The following SLC38A1 variants were observed in gnomAD, a reference collection of about 807,000 sequenced individuals.
The protein encoded by SLC38A1 is sodium-coupled neutral amino acid symporter 1.
In SLC38A1, 18 loss-of-function variants were observed where a neutral mutation model predicts 60.3. The ratio of observed to expected loss-of-function variants is 0.30; its 90% CI spans 0.21 to 0.44. The LOEUF is 0.44. Among genes scored for constraint, SLC38A1 ranks in the 20% least tolerant of loss-of-function variants. The probability of loss-of-function intolerance (pLI) is 1.00; values close to 1 mark genes in which losing one functional copy is unlikely to be tolerated. For synonymous variants in SLC38A1, 196 were observed against 212.1 expected (o/e 0.92, Z 0.66); for missense variants, 448 against 587.2 (o/e 0.76, Z 2.45).
intron 1 of SLC38A1, among the ~76,000 whole-genome samples, chr12:46,247,619 T>A (rs1446018264): frequency 6.6e-6 from 1 of 152,204 alleles, no homozygotes; most frequent in Non-Finnish European, 1.5e-5. Flanking sequence ...CTTCAGGATA[T>A]TGTTCAGGAG....
intron 8 of SLC38A1, among the ~76,000 whole-genome samples, chr12:46,206,551 A>G (rs1939912672): frequency 6.6e-6 from 1 of 152,212 alleles, no homozygotes; most frequent in Non-Finnish European, 1.5e-5. Context: ...ACAAGTCACT[A>G]CAGGTAGACA....
chr12:46,235,919 T>A (rs1941242864), intron 3 of SLC38A1, among the ~76,000 whole-genome samples: 1 of 152,184 alleles, frequency 6.6e-6, no homozygotes, highest in Non-Finnish European at 1.5e-5. Context: ...CCTAGAATAA[T>A]CTACTAATGT....
chr12:46,210,517 C>A (rs1940112078), intron 5 of SLC38A1, among the ~76,000 whole-genome samples: 1 of 152,112 alleles, frequency 6.6e-6, no homozygotes, highest in South Asian at 2.1e-4. Context: ...TCCCTAAAAT[C>A]CTTGAGTGAG....
intron 3 of SLC38A1, among the ~76,000 whole-genome samples, chr12:46,231,406 G>A (rs1467020232): frequency 6.6e-6 from 1 of 152,120 alleles, no homozygotes. Context: ...AACACAACTG[G>A]ACTTGTACCT....
intron 16 of SLC38A1, among the ~76,000 whole-genome samples, chr12:46,190,478 A>G (rs1288748305): frequency 6.6e-6 from 1 of 152,190 alleles, no homozygotes; most frequent in Non-Finnish European, 1.5e-5. Flanking sequence ...GTCAAATGGT[A>G]TTTCTAGTTC....
At chr12:46,245,036 G>A (rs990233609) in intron 1 of SLC38A1, among the ~76,000 whole-genome samples, 5 of 152,018 alleles carry the variant, frequency 3.3e-5, no homozygotes, top group African/African-American at 1.2e-4. Context: ...TTTGCAGCAG[G>A]TCCTTGATAA....
Position 46,207,521 on chromosome 12 carries a change from C to G in SLC38A1, c.481+8G>C. The G allele has an allele frequency of 1.2e-6, 2 of 1,611,828 alleles. No homozygotes were observed. The highest frequency in any genetic ancestry group is 1.7e-6 in the Non-Finnish European group (2 of 1,178,138). The stretch of plus-strand genomic sequence containing the variant: ...CAAGTTATGTAAAGAAAAGCATGTT[C>G]TTTTTACCTCCAGTGTTCTGTAGAG... On this transcript the variant is annotated splice_region_variant and intron_variant, in intron 7 of 16. Transcript: ENST00000398637.
chr12:46,260,732 T>C lies in SLC38A1; in HGVS notation c.-209+7794A>G, dbSNP rs190358642. ...ACTTGAAACTTGAGTATGGCTTTCATACAACCTCATATCTAATCAGTTGCC... is the reference window on the plus strand; with the variant it reads ...ACTTGAAACTTGAGTATGGCTTTCACACAACCTCATATCTAATCAGTTGCC... On this transcript the variant is annotated intron_variant, in intron 1 of 16. Coordinates refer to ENST00000398637, the MANE Select transcript of SLC38A1 (RefSeq NM_030674.4). 4.6e-5 allele frequency among the ~76,000 whole-genome samples: 7 copies of C among 152,324 alleles called. No homozygotes were observed. In the East Asian group the frequency reaches 1.3e-3, roughly 29 times the overall value.
intron 1 of SLC38A1, among the ~76,000 whole-genome samples, chr12:46,245,454 A>G (rs111345543): frequency 1.3e-5 from 2 of 152,360 alleles, no homozygotes; most frequent in African/African-American, 4.8e-5. Flanking sequence ...TCAAAAGTCA[A>G]GAGATAACAA....
intron 1 of SLC38A1, among the ~76,000 whole-genome samples, chr12:46,258,884 C>T (rs531187555): frequency 6.6e-6 from 1 of 152,298 alleles, no homozygotes; most frequent in East Asian, 1.9e-4. Context: ...GAACTCCTAA[C>T]CTTAGATGAT....
At chr12:46,267,214 C>G (rs1235452115) in intron 1 of SLC38A1, 1 of 152,220 alleles carries the variant, frequency 6.6e-6, no homozygotes. Flanking sequence ...CTTCCAAACG[C>G]AAATAAATAC....
chr12:46,209,075 A>G lies in SLC38A1; in HGVS notation c.367T>C (p.Leu123=), dbSNP rs1940034954. ...LLSIYSINLL[L]ICSKETGCMV... ...TTACCTGTTTCTTTTGAACAGATCA[A>G]TAGGAGGTTTATTGAATATATAGAC... Residue 123 remains leucine (L), a synonymous_variant, in exon 6 of 17, where the codon TTG becomes CTG. Transcript: ENST00000398637. 1 of 1,612,054 alleles carries G rather than the reference A, an allele frequency of 6.2e-7. No individual in the cohort carries two copies.
At position 46,198,700 on chromosome 12, in the gene SLC38A1, A is replaced by G. The variant is rs1295200433; in HGVS notation, c.1047T>C (p.Asp349=). ...SDLLHKYQSK[D]DILILTVRLA... ...GCCGCACTGTCAGGATGAGAATGTCATCTTTACTCTGATATTTGTGAAGGA... is the reference window on the plus strand; with the variant it reads ...GCCGCACTGTCAGGATGAGAATGTCGTCTTTACTCTGATATTTGTGAAGGA... The change falls in exon 14 of 17, where the codon GAT becomes GAC. Residue 349 remains aspartate (D), a synonymous_variant. Transcript: ENST00000398637. The G allele has an allele frequency of 1.9e-6, 3 of 1,613,554 alleles. No homozygotes were observed. The highest frequency in any genetic ancestry group is 2.5e-6 in the Non-Finnish European group (3 of 1,179,758).
chr12:46,263,338 C>G (rs1399374564), intron 1 of SLC38A1, among the ~76,000 whole-genome samples: 2 of 152,138 alleles, frequency 1.3e-5, no homozygotes, highest in African/African-American at 2.4e-5. Context: ...AACACATGTC[C>G]CATCTATTTC....
Position 46,201,209 on chromosome 12 carries a change from A to G in SLC38A1, c.903-11T>C, listed in dbSNP as rs199694870. The G allele has an allele frequency of 2.2e-4, 349 of 1,599,374 alleles. No individual in the cohort carries two copies. The African/African-American group carries it at 4.2e-3, about 19-fold the overall frequency. ...TTTTTCTGTGATCGGCTAAAAACAA[A>G]TAAATGTTAAAAATTAAAAATCATA... On this transcript the variant is annotated splice_polypyrimidine_tract_variant and intron_variant, in intron 12 of 16. Coordinates refer to ENST00000398637, the MANE Select transcript of SLC38A1 (RefSeq NM_030674.4).
chr12:46,186,001 T>C lies in SLC38A1; in HGVS notation c.*2969A>G, dbSNP rs915684999. 1 of 152,190 alleles carries C rather than the reference T, an allele frequency of 6.6e-6. No individual in the cohort carries two copies. The highest frequency in any genetic ancestry group is 2.4e-5 in the African/African-American group (1 of 41,448). The allele number at this position is 152,190 out of a possible 1,614,324, so 9.4% of individuals were successfully genotyped here. A position where few individuals can be genotyped will look rare whatever the true frequency, so the allele number is the denominator to read the frequency against. On this transcript the variant is annotated 3_prime_UTR_variant, in exon 17 of 17. Coordinates refer to ENST00000398637, the MANE Select transcript of SLC38A1 (RefSeq NM_030674.4). ...TGGAAACAATATTATATTTGATGGT[T>C]AGATTCTTTAGCAAACCTATTACAT...
At chr12:46,224,071 T>C (rs542849016) in intron 5 of SLC38A1, among the ~76,000 whole-genome samples, 4 of 152,324 alleles carry the variant, frequency 2.6e-5, no homozygotes, top group African/African-American at 9.6e-5. Context: ...TCTGCTATGA[T>C]GGAGTTATGG....
At chr12:46,225,506 C>A (rs943920680) in intron 5 of SLC38A1, among the ~76,000 whole-genome samples, 3 of 152,136 alleles carry the variant, frequency 2.0e-5, no homozygotes, top group African/African-American at 7.2e-5. Context: ...AGCCCTTTCC[C>A]CCTACTTGGT....
At chr12:46,251,126 G>C (rs894046793) in intron 1 of SLC38A1, among the ~76,000 whole-genome samples, 4 of 152,188 alleles carry the variant, frequency 2.6e-5, no homozygotes. Context: ...AAAACAGCAT[G>C]GTACTGGTAC....
Sources: allele counts gnomAD v4.1 joint callset (sites outside exome capture counted in the v4.1 genomes callset), GRCh38; gene constraint gnomAD v4.1.1; transcripts MANE v1.5; gene names NCBI Gene and HGNC (gene_info 2026-07-23, HGNC 2026-07-21).